LAIR1: variants seen among roughly 807,000 people sequenced by gnomAD.
LAIR1 encodes the protein leukocyte-associated immunoglobulin-like receptor 1.
In LAIR1, 24 loss-of-function variants were observed where a neutral mutation model predicts 32.8. The observed-to-expected ratio is 0.73, with a 90% confidence interval of 0.53 to 1.03. The LOEUF (loss-of-function observed/expected upper bound fraction) is 1.03. LAIR1 is among the 50% of genes least tolerant of loss of function. LAIR1 has a pLI of 0.00. For synonymous variants in LAIR1, 150 were observed against 140.5 expected (o/e 1.07, Z -0.48); for missense variants, 355 against 347.5 (o/e 1.02, Z -0.17).
intron 7 of LAIR1, 34 bp downstream of exon 7, chr19:54,356,322 G>C (rs180967992): frequency 1.3e-3 from 2,037 of 1,603,826 alleles, no homozygotes; most frequent in Non-Finnish European, 1.5e-3. Flanking sequence ...CGAGGACTGG[G>C]TGGAGGTCCA....
rs1232242636 is a variant in LAIR1 at position 54,351,771 on chromosome 19, A to T, written c.*3497T>A. 2 of 30,850 alleles carry T rather than the reference A, an allele frequency of 6.5e-5. No homozygotes were observed. The highest frequency in any genetic ancestry group is 1.2e-4 in the Non-Finnish European group (2 of 16,262). 1.9% of individuals were successfully genotyped at this position (30,850 alleles called of 1,614,324 possible). On this transcript the variant is annotated 3_prime_UTR_variant, in exon 10 of 10. Transcript: ENST00000391742. ...AGAGAGTGTTTTAAATGGGGCTATG[A>T]CAGAGAAGGTAGACGAGGTGTTGGG...
rs2082147011 is a variant in LAIR1 at position 54,364,102 on chromosome 19, A to G, written c.70+193T>C. Among the ~76,000 whole-genome samples, 2 of 152,204 alleles carry G rather than the reference A, an allele frequency of 1.3e-5. No individual in the cohort carries two copies. The highest frequency in any genetic ancestry group is 4.8e-5 in the African/African-American group (2 of 41,454). ...AATTTTTGAAAATAAGAAAAGCAAA[A>G]TAAGACAGGTGGAGGATGCGAGAGA... On this transcript the variant is annotated intron_variant, in intron 2 of 9. Transcript: ENST00000391742. This position sits in a 1 kb window ranked among gnomAD's most constrained non-coding sequence, Gnocchi z 4.8.
upstream of LAIR1, among the ~76,000 whole-genome samples, chr19:54,374,339 G>A (rs1253734713): frequency 6.6e-6 from 1 of 152,176 alleles, no homozygotes; most frequent in Non-Finnish European, 1.5e-5. Context: ...CCTGCAGAGA[G>A]GAGTAGAAAC....
rs560069594 is a variant in LAIR1 at position 54,355,587 on chromosome 19, A to G, written c.718-173T>C. 6.6e-6 allele frequency among the ~76,000 whole-genome samples: 1 copy of G among 152,268 alleles called. No homozygotes were observed. The highest frequency in any genetic ancestry group is 2.1e-4 in the South Asian group (1 of 4,830). ...TTGGGGTTGGTTTACGTGACAATGA[A>G]CAAGGCAGAAGGGAAGACTCCTGAC... is the stretch of plus-strand genomic sequence containing the variant. On this transcript the variant is annotated intron_variant, in intron 9 of 9. Coordinates refer to ENST00000391742, the MANE Select transcript of LAIR1 (RefSeq NM_002287.6). The surrounding 1 kb of genome is among the most constrained non-coding windows in gnomAD (Gnocchi z 4.7).
In LAIR1 at chr19:54,355,533, A is replaced by G. The variant is rs113666326; in HGVS notation, c.718-119T>C. The G allele has an allele frequency of 1.7e-5, 15 of 874,790 alleles. No individual in the cohort carries two copies. Among genetic ancestry groups the G allele is most frequent in the East Asian group, 1.1e-4 (4 of 36,816 alleles). 54.2% of individuals were successfully genotyped at this position (874,790 alleles called of 1,614,324 possible). Reference sequence around the variant, plus strand: ...CCCTGAGGACCCTCTCCTAAATTGCATCCGTGTGAAGAGCCCTCCCACAGG... The same window carrying G: ...CCCTGAGGACCCTCTCCTAAATTGCGTCCGTGTGAAGAGCCCTCCCACAGG... On this transcript the variant is annotated intron_variant, in intron 9 of 9. Coordinates refer to ENST00000391742, the MANE Select transcript of LAIR1 (RefSeq NM_002287.6). This position sits in a 1 kb window ranked among gnomAD's most constrained non-coding sequence, Gnocchi z 4.7.
chr19:54,358,386 A>ATAAT (rs199783467), intron 4 of LAIR1: 11 of 131,346 alleles, frequency 8.4e-5, no homozygotes, highest in Non-Finnish European at 1.2e-4. Flanking sequence ...TTATATATAT[A>ATAAT]ATATATATAT....
At chr19:54,370,423 C>A in exon 1 of LAIR1, 1 of 510,276 alleles carries the variant, frequency 2.0e-6, no homozygotes, top group South Asian at 2.8e-5. Context: ...TGGCTTTCCA[C>A]GGGCTGCCAC....
At chr19:54,365,849 G>A (rs911633414), upstream of LAIR1, among the ~76,000 whole-genome samples, 6 of 151,424 alleles carry the variant, frequency 4.0e-5, no homozygotes, top group East Asian at 1.9e-4. Context: ...AGCACTATTC[G>A]CAATAGCTAA....
chr19:54,363,741 A>C (rs926415804), intron 2 of LAIR1, among the ~76,000 whole-genome samples: 6 of 152,202 alleles, frequency 3.9e-5, no homozygotes, highest in Non-Finnish European at 7.3e-5. Context: ...GTGGAATCTA[A>C]GAAAAGTTGA....
chr19:54,353,175 AAG>A lies in LAIR1; in HGVS notation c.*2091_*2092del. 1 of 151,718 alleles carries A rather than the reference AAG, an allele frequency of 6.6e-6. No homozygotes were observed. Among genetic ancestry groups the A allele is most frequent in the Non-Finnish European group, 1.5e-5 (1 of 67,976 alleles). The allele number at this position is 151,718 out of a possible 1,614,324, so 9.4% of individuals were successfully genotyped here. A position where few individuals can be genotyped will look rare whatever the true frequency, so the allele number is the denominator to read the frequency against. ...AAACTCCATCTCAAAAAAAAAAAAA[AAG>A]AGAGAGAGAGACAGAGAGACACACA... On this transcript the variant is annotated 3_prime_UTR_variant, in exon 10 of 10. Coordinates refer to ENST00000391742, the MANE Select transcript of LAIR1 (RefSeq NM_002287.6).
upstream of LAIR1, among the ~76,000 whole-genome samples, chr19:54,366,856 G>A (rs117001016): frequency 5.2e-4 from 79 of 152,324 alleles, no homozygotes; most frequent in Admixed American, 4.3e-3. Context: ...CCTAGGCTCA[G>A]ATGTGGGAGC....
chr19:54,356,536 G>A lies in LAIR1; in HGVS notation c.538C>T (p.Leu180Phe), dbSNP rs1327139729. Reference protein sequence around the residue: ...VSVVFLFCLLLLVLFCLHRQN... With the variant: ...VSVVFLFCLLFLVLFCLHRQN... ...CGATGGAGGCAGAAGAGGACCAGGA[G>A]GAGGAGACAGAAGAGGAAGACCACT... The change falls in exon 6 of 10, where the codon CTC (leucine) becomes TTC (phenylalanine). Residue 180 changes from leucine (L) to phenylalanine (F), a missense_variant. Leu to Phe is a conservative substitution (Grantham distance 22). Transcript: ENST00000391742. 1 of 1,613,946 alleles carries A rather than the reference G, an allele frequency of 6.2e-7. No individual in the cohort carries two copies. Among genetic ancestry groups the A allele is most frequent in the African/African-American group, 1.3e-5 (1 of 74,876 alleles).
At chr19:54,367,485 T>C (rs73604733), upstream of LAIR1, among the ~76,000 whole-genome samples, 1,659 of 152,264 alleles carry the variant, frequency 0.011, 28 homozygotes, top group African/African-American at 0.037. Context: ...GGCTCACGCC[T>C]GTAATCTTCT....
chr19:54,362,064 ATTTAAGG>A (rs1466716752), intron 2 of LAIR1, among the ~76,000 whole-genome samples: 1 of 151,746 alleles, frequency 6.6e-6, no homozygotes, highest in Non-Finnish European at 1.5e-5. Flanking sequence ...AACTGCATGT[ATTTAAGG>A]TGTACAACAT....
At position 54,356,917 on chromosome 19, in the gene LAIR1, C is replaced by G. The variant is rs1364095540; in HGVS notation, c.454+11G>C. 1.2e-6 allele frequency: 2 copies of G among 1,613,884 alleles called. No individual in the cohort carries two copies. Among genetic ancestry groups the G allele is most frequent in the African/African-American group, 1.3e-5 (1 of 75,026 alleles). On this transcript the variant is annotated intron_variant, in intron 5 of 9. Coordinates refer to ENST00000391742, the MANE Select transcript of LAIR1 (RefSeq NM_002287.6). ...ACACCAGCTTCATGCTCCACGGCCC[C>G]CATCACTCACGCTCATTGTGACTGT... is the stretch of plus-strand genomic sequence containing the variant.
rs757309719 is a variant in LAIR1 at position 54,355,340 on chromosome 19, G to A, written c.792C>T (p.Ala264=). ...TTGTGGACTGTGGGGACACAGCCCG[G>A]GCTGTCCTCTGTGTGAGGGCCCAGT... The part of the protein sequence containing the change: ...LDHWALTQRT[A]RAVSPQSTKP... The change falls in exon 10 of 10, where the codon GCC becomes GCT. Residue 264 remains alanine (A), a synonymous_variant. Coordinates refer to ENST00000391742, the MANE Select transcript of LAIR1 (RefSeq NM_002287.6). The surrounding 1 kb of genome is among the most constrained non-coding windows in gnomAD (Gnocchi z 4.7). 1.9e-6 allele frequency: 3 copies of A among 1,613,548 alleles called. No individual in the cohort carries two copies. The highest frequency in any genetic ancestry group is 1.7e-6 in the Non-Finnish European group (2 of 1,179,678).
intron 2 of LAIR1, among the ~76,000 whole-genome samples, chr19:54,361,950 A>G (rs2082047258): frequency 6.6e-6 from 1 of 151,716 alleles, no homozygotes; most frequent in African/African-American, 2.4e-5. Context: ...CTGAAACAGG[A>G]AGGTTGTGTC....
chr19:54,355,406 AGCCAGG>A lies in LAIR1; in HGVS notation c.720_725del (p.Leu241_Ala242del). On this transcript the variant is annotated inframe_deletion and splice_region_variant, in exon 10 of 10. Transcript: ENST00000391742. This position sits in a 1 kb window ranked among gnomAD's most constrained non-coding sequence, Gnocchi z 4.7. ...ACGTCACCTCCTGGGAACTCCCTGC[AGCCAGG>A]GCCTAAGAGGGAGAGACCCAGGGTG... is the stretch of plus-strand genomic sequence containing the variant. 6.2e-7 allele frequency: 1 copy of A among 1,605,644 alleles called. No individual in the cohort carries two copies.
Position 54,355,968 on chromosome 19 carries a change from C to A in LAIR1, c.703G>T (p.Glu235Ter), listed in dbSNP as rs1569185088. ...GGAAGGCTCACCGAGGTGTCCGTCTCTCTGTCCTTCTCAGGAAGTCCATTG... is the reference window on the plus strand; with the variant it reads ...GGAAGGCTCACCGAGGTGTCCGTCTATCTGTCCTTCTCAGGAAGTCCATTG... ...TVNGLPEKDR[E>*]TDTSALAAGS... Residue 235 changes from glutamate to a stop codon, truncating the protein, a stop_gained, in exon 9 of 10, where the codon GAG (glutamate) becomes TAG (stop). Coordinates refer to ENST00000391742, the MANE Select transcript of LAIR1 (RefSeq NM_002287.6). LOFTEE classifies it low-confidence loss of function (END_TRUNC). This position sits in a 1 kb window ranked among gnomAD's most constrained non-coding sequence, Gnocchi z 4.7. 6.2e-7 allele frequency: 1 copy of A among 1,607,314 alleles called. No homozygotes were observed.
Sources: allele counts gnomAD v4.1 joint callset (sites outside exome capture counted in the v4.1 genomes callset), GRCh38; gene constraint gnomAD v4.1.1; non-coding constraint Gnocchi (gnomAD v3.1); transcripts MANE v1.5; gene names NCBI Gene and HGNC (gene_info 2026-07-23, HGNC 2026-07-21).